SNTB1: variants seen among roughly 807,000 people sequenced by gnomAD.
SNTB1 encodes syntrophin beta 1, also known as beta-1-syntrophin.
In SNTB1, 36 loss-of-function variants were observed where a neutral mutation model predicts 48.9. The ratio of observed to expected loss-of-function variants is 0.74; its 90% confidence interval spans 0.56 to 0.97. The LOEUF (loss-of-function observed/expected upper bound fraction) is 0.97, where lower values mean the gene tolerates loss of function less well. SNTB1 is among the 50% of genes least tolerant of loss of function. The pLI, the probability that SNTB1 is intolerant of heterozygous loss-of-function variation, is 0.00. For synonymous variants in SNTB1, 299 were observed against 294.6 expected (o/e 1.01, Z -0.15); for missense variants, 786 against 703.4 (o/e 1.12, Z -1.33).
At chr8:120,807,102 A>G (rs945981420) in intron 1 of SNTB1, among the ~76,000 whole-genome samples, 8 of 152,158 alleles carry the variant, frequency 5.3e-5, no homozygotes, top group African/African-American at 1.9e-4. Context: ...TCCATAGGAG[A>G]CCTTTGGGAT....
chr8:120,663,746 T>C lies in SNTB1; in HGVS notation c.788+29946A>G, dbSNP rs543674324. The stretch of plus-strand genomic sequence containing the variant: ...TGATCAAGTTTGCATTTTAGTGATA[T>C]CATGCTGGGGAAGACAGATTGGAGA... On this transcript the variant is annotated intron_variant, in intron 2 of 6. Coordinates refer to ENST00000517992, the MANE Select transcript of SNTB1 (RefSeq NM_021021.4). 4.1e-4 allele frequency among the ~76,000 whole-genome samples: 62 copies of C among 152,210 alleles called. 2 individuals carry two copies. The highest frequency in any genetic ancestry group is 1.4e-3 in the African/African-American group (60 of 41,530).
At chr8:120,639,866 T>A (rs955318759) in intron 2 of SNTB1, among the ~76,000 whole-genome samples, 1 of 152,228 alleles carries the variant, frequency 6.6e-6, no homozygotes, top group African/African-American at 2.4e-5. Context: ...ATGTGGGCTC[T>A]TTTTTGTTCC....
intron 1 of SNTB1, chr8:120,769,401 T>C (rs1819581066): frequency 6.6e-6 from 1 of 152,206 alleles, no homozygotes; most frequent in South Asian, 2.1e-4. Flanking sequence ...ATTTCTCCTC[T>C]TCTTTAATCT....
intron 1 of SNTB1, among the ~76,000 whole-genome samples, chr8:120,756,826 C>T (rs955430118): frequency 6.6e-6 from 1 of 152,080 alleles, no homozygotes; most frequent in Non-Finnish European, 1.5e-5. Context: ...TCCCAGTGGC[C>T]TAAGTGCTGG....
At chr8:120,724,429 A>G (rs1818720292) in intron 1 of SNTB1, among the ~76,000 whole-genome samples, 1 of 152,210 alleles carries the variant, frequency 6.6e-6, no homozygotes, top group Non-Finnish European at 1.5e-5. Flanking sequence ...ACGCATGCAC[A>G]AGTTGAGCTC....
At chr8:120,601,613 T>C (rs1816423754) in intron 3 of SNTB1, among the ~76,000 whole-genome samples, 1 of 152,186 alleles carries the variant, frequency 6.6e-6, no homozygotes, top group South Asian at 2.1e-4. Context: ...ACTCCATCCC[T>C]GACTCTCATT....
rs114597503 is a variant in SNTB1 at position 120,725,802 on chromosome 8, T to C, written c.572-31894A>G. ...ATACTGTCTAATCTGTATTCTTACC[T>C]TAAGGCAACTCCTTCATCTCCCCAG... On this transcript the variant is annotated intron_variant, in intron 1 of 6. Transcript: ENST00000517992. 3.7e-3 allele frequency among the ~76,000 whole-genome samples: 563 copies of C among 152,306 alleles called. 4 individuals carry two copies. The highest frequency in any genetic ancestry group is 0.013 in the African/African-American group (538 of 41,558).
At chr8:120,809,798 A>G (rs1046518786) in intron 1 of SNTB1, among the ~76,000 whole-genome samples, 1 of 152,164 alleles carries the variant, frequency 6.6e-6, no homozygotes, top group Admixed American at 6.5e-5. Flanking sequence ...ACAGCTTTCC[A>G]CTTTCTGGGT....
chr8:120,624,659 A>G (rs4490883), intron 3 of SNTB1, among the ~76,000 whole-genome samples: 97,833 of 151,960 alleles, frequency 0.64, 32,497 homozygotes, highest in East Asian at 0.76. Flanking sequence ...TTCCATCCCA[A>G]TAGTCCCAGA....
chr8:120,539,294 C>T (rs551674298), intron 6 of SNTB1, among the ~76,000 whole-genome samples: 2 of 114,908 alleles, frequency 1.7e-5, no homozygotes, highest in East Asian at 4.7e-4. Flanking sequence ...TTGGATTTGA[C>T]ACAGTATGAA....
intron 1 of SNTB1, among the ~76,000 whole-genome samples, chr8:120,703,260 G>A (rs960448013): frequency 6.6e-6 from 1 of 152,206 alleles, no homozygotes; most frequent in African/African-American, 2.4e-5. Context: ...GAGTAGCTGG[G>A]ATTATAGGTG....
intron 1 of SNTB1, among the ~76,000 whole-genome samples, chr8:120,722,638 A>G (rs1818683125): frequency 1.3e-5 from 2 of 152,156 alleles, no homozygotes; most frequent in Non-Finnish European, 2.9e-5. Context: ...GATTCTGGAT[A>G]TTAGCCCTTT....
chr8:120,722,886 T>G (rs1420168379), intron 1 of SNTB1, among the ~76,000 whole-genome samples: 1 of 152,194 alleles, frequency 6.6e-6, no homozygotes, highest in Non-Finnish European at 1.5e-5. Flanking sequence ...GTCTAACATT[T>G]AAGTCTTTAA....
At chr8:120,684,657 T>TAAA (rs1563851090) in intron 2 of SNTB1, among the ~76,000 whole-genome samples, 18 of 107,020 alleles carry the variant, frequency 1.7e-4, no homozygotes, top group East Asian at 2.8e-4. Context: ...AAAATTGAAT[T>TAAA]TTTTTTTTTT....
chr8:120,664,148 C>A, intron 2 of SNTB1, among the ~76,000 whole-genome samples: 1 of 152,046 alleles, frequency 6.6e-6, no homozygotes, highest in East Asian at 1.9e-4. Flanking sequence ...GGAAGGAAAG[C>A]CATGATATGT....
rs150570514 is a variant in SNTB1, at chr8:120,657,742, C to G, written c.789-25091G>C. ...CATTTACAAAATTGTGAGAAAAATT[C>G]CTTTTCATTTATTGACTTATCAATT... On this transcript the variant is annotated intron_variant, in intron 2 of 6. Transcript: ENST00000517992. 3.9e-3 allele frequency among the ~76,000 whole-genome samples: 594 copies of G among 152,234 alleles called. 5 individuals are homozygous for G. Among genetic ancestry groups the G allele is most frequent in the Non-Finnish European group, 3.3e-3 (225 of 68,010 alleles).
At chr8:120,680,719 A>G (rs1245111783) in intron 2 of SNTB1, among the ~76,000 whole-genome samples, 1 of 152,188 alleles carries the variant, frequency 6.6e-6, no homozygotes, top group Non-Finnish European at 1.5e-5. Context: ...TCTGCTTGAA[A>G]ATCCTTGGGC....
At chr8:120,758,348 C>T (rs1819353806) in intron 1 of SNTB1, among the ~76,000 whole-genome samples, 1 of 152,080 alleles carries the variant, frequency 6.6e-6, no homozygotes. Context: ...ATGAGTTTCT[C>T]ACCTCCAGAC....
intron 2 of SNTB1, among the ~76,000 whole-genome samples, chr8:120,682,128 A>C (rs903788376): frequency 1.3e-5 from 2 of 152,178 alleles, no homozygotes; most frequent in Non-Finnish European, 2.9e-5. Context: ...TAAGCAATAG[A>C]GAAAAAAACC....
Sources: allele counts gnomAD v4.1 joint callset (sites outside exome capture counted in the v4.1 genomes callset), GRCh38; gene constraint gnomAD v4.1.1; transcripts MANE v1.5; gene names NCBI Gene and HGNC (gene_info 2026-07-23, HGNC 2026-07-21).